The following DNAH12 variants were observed in gnomAD, a reference collection of about 807,000 sequenced individuals.
DNAH12 encodes axonemal beta dynein heavy chain 12.
A neutral mutation model predicts 371.5 loss-of-function variants in DNAH12; 285 were observed. The ratio of observed to expected loss-of-function variants is 0.77; its 90% CI spans 0.70 to 0.85. DNAH12 has a LOEUF of 0.85. Among genes scored for constraint, DNAH12 ranks in the 40% least tolerant of loss-of-function variants. The pLI, the probability that DNAH12 is intolerant of heterozygous loss-of-function variation, is 0.00. For missense variants in DNAH12, 3,611 were observed against 3,689.4 expected (o/e 0.98, Z 0.55); for synonymous variants, 1,200 against 1,213.0 (o/e 0.99, Z 0.22).
rs553310302 is a variant in DNAH12, at chr3:57,425,956, G to C, written c.5254-815C>G. On this transcript the variant is annotated intron_variant, in intron 34 of 73. Transcript: ENST00000495027. The stretch of plus-strand genomic sequence containing the variant: ...CAGAGAAAGTCTCAGGGTAGGAGGC[G>C]GCTGCTAGAGTGCTTGGGATAAACA... Among the ~76,000 whole-genome samples, 8 of 152,226 alleles carry C rather than the reference G, an allele frequency of 5.3e-5. No individual in the cohort carries two copies. The South Asian group carries it at 1.5e-3, about 28-fold the overall frequency.
Position 57,491,155 on chromosome 3 carries a change from T to G in DNAH12, c.1336-1468A>C, listed in dbSNP as rs562461319. On this transcript the variant is annotated intron_variant, in intron 11 of 73. Coordinates refer to ENST00000495027, the MANE Select transcript of DNAH12 (RefSeq NM_001366028.2). ...GGCATTGAAAAAAGATGAATATGGA[T>G]AAATTTTACCATGATGAAAGAAGAA... is the stretch of plus-strand genomic sequence containing the variant. Among the ~76,000 whole-genome samples the G allele has an allele frequency of 2.8e-5, 4 of 142,408 alleles. No homozygotes were observed. In the South Asian group the frequency reaches 6.8e-4, roughly 24 times the overall value. The allele number at this position is 142,408 out of a possible 152,430, so 93.4% of individuals were successfully genotyped here.
At chr3:57,406,638 T>C (rs1239716366) in intron 40 of DNAH12, among the ~76,000 whole-genome samples, 1 of 152,088 alleles carries the variant, frequency 6.6e-6, no homozygotes, top group African/African-American at 2.4e-5. Flanking sequence ...ATCAGATAAC[T>C]CATGCTGAAT....
At chr3:57,553,923 C>G in the DNAH12 span, among the ~76,000 whole-genome samples, 1 of 150,480 alleles carries the variant, frequency 6.6e-6, no homozygotes, top group Non-Finnish European at 1.5e-5. Flanking sequence ...CTCCCAGGTT[C>G]AAAAGATTGT....
intron 2 of DNAH12, among the ~76,000 whole-genome samples, chr3:57,533,061 C>T (rs73082406): frequency 0.12 from 18,971 of 152,236 alleles, 1,339 homozygotes; most frequent in South Asian, 0.21. Context: ...CTCAGTCCTT[C>T]CTACTTTTCC....
chr3:57,501,021 T>C (rs926265236), intron 11 of DNAH12, among the ~76,000 whole-genome samples: 1 of 152,206 alleles, frequency 6.6e-6, no homozygotes, highest in East Asian at 1.9e-4. Flanking sequence ...GCTCAAGCAA[T>C]CCTCTTGCCT....
At chr3:57,452,214 G>T (rs1335794841) in intron 25 of DNAH12, among the ~76,000 whole-genome samples, 7 of 152,098 alleles carry the variant, frequency 4.6e-5, no homozygotes, top group African/African-American at 1.7e-4. Context: ...AATTTCCACT[G>T]CTACCATTCA....
At chr3:57,503,760 TA>T (rs1305286240) in intron 9 of DNAH12, among the ~76,000 whole-genome samples, 1 of 152,082 alleles carries the variant, frequency 6.6e-6, no homozygotes, top group Non-Finnish European at 1.5e-5. Flanking sequence ...ATCTTGTTCT[TA>T]AGAAGCTCAC....
intron 43 of DNAH12, among the ~76,000 whole-genome samples, chr3:57,397,615 G>GAGAGCAAGAGATCA (rs1481986346): frequency 6.6e-5 from 10 of 152,184 alleles, no homozygotes; most frequent in African/African-American, 2.4e-4. Flanking sequence ...AGGCACCAGG[G>GAGAGCAAGAGATCA]AGAGCAAGAG....
chr3:57,360,077 T>C (rs1256110396), intron 58 of DNAH12, among the ~76,000 whole-genome samples: 1 of 152,204 alleles, frequency 6.6e-6, no homozygotes, highest in East Asian at 1.9e-4. Flanking sequence ...CGAGTCTTAA[T>C]AGGAAATAAG....
intron 2 of DNAH12, among the ~76,000 whole-genome samples, chr3:57,532,256 G>C (rs1002760634): frequency 1.3e-5 from 2 of 152,040 alleles, no homozygotes; most frequent in Non-Finnish European, 2.9e-5. Context: ...GTGTTATCTC[G>C]AATTTCTTTG....
chr3:57,325,555 C>T (rs1332387071), intron 62 of DNAH12, among the ~76,000 whole-genome samples: 3 of 152,284 alleles, frequency 2.0e-5, no homozygotes, highest in African/African-American at 7.2e-5. Context: ...GACATCCACA[C>T]CAAAAACCCA....
At chr3:57,479,149 C>T (rs1325653749) in intron 13 of DNAH12, among the ~76,000 whole-genome samples, 2 of 81,816 alleles carry the variant, frequency 2.4e-5, no homozygotes, top group East Asian at 2.6e-4. Context: ...AGAGTCAAGA[C>T]CCATAGTGTG....
intron 25 of DNAH12, among the ~76,000 whole-genome samples, chr3:57,449,323 G>A (rs930816990): frequency 6.6e-6 from 1 of 152,366 alleles, no homozygotes. Flanking sequence ...GGAGCTGCCT[G>A]CCAGTCCCAC....
chr3:57,484,559 A>C (rs1407586099), intron 12 of DNAH12, among the ~76,000 whole-genome samples: 1 of 152,200 alleles, frequency 6.6e-6, no homozygotes, highest in Non-Finnish European at 1.5e-5. Context: ...CAAAGACTTA[A>C]ATCCGAGACC....
intron 11 of DNAH12, among the ~76,000 whole-genome samples, chr3:57,499,863 T>C (rs983924409): frequency 4.7e-5 from 7 of 149,224 alleles, no homozygotes; most frequent in Non-Finnish European, 1.0e-4. Context: ...ACTCTATATG[T>C]TTAAAATTTA....
At chr3:57,353,055 G>A (rs1195335819) in intron 59 of DNAH12, among the ~76,000 whole-genome samples, 1 of 151,958 alleles carries the variant, frequency 6.6e-6, no homozygotes, top group East Asian at 1.9e-4. Context: ...CACTGCACTC[G>A]AGCCTGGGTA....
At chr3:57,411,526 C>CA (rs57344840) in intron 39 of DNAH12, among the ~76,000 whole-genome samples, 727 of 39,080 alleles carry the variant, frequency 0.019, 48 homozygotes, top group East Asian at 0.048. Flanking sequence ...GACACTGTCT[C>CA]AAAAAAAAAA....
chr3:57,529,686 TTC>T (rs1339963361), intron 2 of DNAH12, among the ~76,000 whole-genome samples: 3 of 152,194 alleles, frequency 2.0e-5, no homozygotes, highest in Non-Finnish European at 4.4e-5. Flanking sequence ...AAAATCAACT[TTC>T]TGTTTCATTC....
At chr3:57,496,531 A>T (rs1389173797) in intron 11 of DNAH12, among the ~76,000 whole-genome samples, 3 of 152,200 alleles carry the variant, frequency 2.0e-5, no homozygotes, top group African/African-American at 7.2e-5. Context: ...CACATGATAA[A>T]GGGCATCTAC....
Sources: gnomAD v4.1 joint callset for allele counts (sites outside exome capture counted in the v4.1 genomes callset) on GRCh38, gnomAD v4.1.1 for gene constraint, MANE v1.5 for transcripts, NCBI Gene and HGNC (gene_info 2026-07-23, HGNC 2026-07-21) for gene names.